SART3: variants seen among roughly 807,000 people sequenced by gnomAD.
SART3 encodes spliceosome associated factor 3, U4/U6 recycling protein.
SART3 carries 44 observed loss-of-function variants against 122.3 expected under a neutral mutation model. That is an observed-to-expected ratio of 0.36 (90% CI 0.28 to 0.46). SART3 has a LOEUF of 0.46. Among genes scored for constraint, SART3 ranks in the 20% least tolerant of loss-of-function variants. SART3 has a pLI of 1.00. For synonymous variants in SART3, 442 were observed against 454.0 expected (o/e 0.97, Z 0.34); for missense variants, 1,101 against 1,229.0 (o/e 0.90, Z 1.56).
chr12:108,523,680 G>A (rs759553592), intron 18 of SART3, 46 bp from the exon 19 acceptor site: 35 of 1,539,838 alleles, frequency 2.3e-5, no homozygotes, highest in Non-Finnish European at 2.5e-5. Flanking sequence ...AACAATTCGT[G>A]GCCCCTCATT....
At chr12:108,523,747 A>AG in intron 18 of SART3, 113 bp from the exon 19 acceptor site, 1 of 964,740 alleles carries the variant, frequency 1.0e-6, no homozygotes, top group Non-Finnish European at 1.6e-6. Context: ...AAAGGTGAAA[A>AG]AAAAAAAGGA....
At chr12:108,524,268 G>T (rs995239726) in intron 18 of SART3, 48 bp downstream of exon 18, 2 of 1,499,306 alleles carry the variant, frequency 1.3e-6, no homozygotes, top group Non-Finnish European at 9.3e-7. Context: ...CCATGAACTG[G>T]TGCCAGCCAG....
At chr12:108,538,757 C>A (rs558669432) in intron 7 of SART3, among the ~76,000 whole-genome samples, 177 bp downstream of exon 7, 1 of 152,268 alleles carries the variant, frequency 6.6e-6, no homozygotes, top group East Asian at 1.9e-4. Flanking sequence ...CAGTTAGTGA[C>A]CATTTTTAAA....
chr12:108,561,129 G>C lies in SART3; in HGVS notation c.26C>G (p.Ala9Gly). MATAAETS[A>G]SEPEAESKAG... is the part of the protein sequence containing the mutation. ...CTTGGACTCAGCCTCGGGTTCTGAA[G>C]CCGAGGTTTCGGCCGCAGTCGCCAT... Residue 9 changes from alanine to glycine, a missense_variant, in exon 1 of 19, where the codon GCT becomes GGT. Physicochemically the swap from Ala to Gly is moderately conservative, Grantham distance 60. Around this residue, in one of 2 missense-constraint regions of SART3, gnomAD observed 216 missense variants for 148.9 expected, o/e 1.45. Coordinates refer to ENST00000546815, the MANE Select transcript of SART3 (RefSeq NM_014706.4). The C allele has an allele frequency of 6.2e-7, 1 of 1,613,448 alleles. No individual in the cohort carries two copies.
chr12:108,529,905 A>G (rs1872578940), intron 15 of SART3, among the ~76,000 whole-genome samples: 1 of 152,134 alleles, frequency 6.6e-6, no homozygotes, highest in Admixed American at 6.5e-5. Context: ...TTTCACTACA[A>G]AGGACATTAT....
chr12:108,549,235 T>G (rs370996492), intron 1 of SART3, 21 bp from the exon 2 acceptor site: 1 of 1,613,890 alleles, frequency 6.2e-7, no homozygotes, highest in Non-Finnish European at 8.5e-7. Context: ...AAGAAACAAG[T>G]TGAAATTTAA....
intron 6 of SART3, among the ~76,000 whole-genome samples, chr12:108,541,307 T>C (rs1361433752): frequency 6.6e-6 from 1 of 151,816 alleles, no homozygotes; most frequent in Non-Finnish European, 1.5e-5. Context: ...ATTGGGAGGC[T>C]GAGGCAGGAG....
chr12:108,559,039 G>GAAAAA lies in SART3; in HGVS notation c.312+1799_312+1803dup, dbSNP rs747479698. Among the ~76,000 whole-genome samples the GAAAAA allele has an allele frequency of 5.4e-4, 56 of 103,942 alleles. 2 individuals are homozygous for GAAAAA. The highest frequency in any genetic ancestry group is 1.1e-3 in the African/African-American group (30 of 26,506). 68.2% of individuals were successfully genotyped at this position (103,942 alleles called of 152,430 possible). A position where few individuals can be genotyped will look rare whatever the true frequency, so the allele number is the denominator to read the frequency against. ...CAGAGCAAGACTCCGTCTCAAAAAA[G>GAAAAA]AAAAAAAAAAAAAAAAAAAAAAGTA... On this transcript the variant is annotated intron_variant, in intron 1 of 18. Coordinates refer to ENST00000546815, the MANE Select transcript of SART3 (RefSeq NM_014706.4).
Position 108,523,552 on chromosome 12 carries a change from C to T in SART3, c.2797G>A (p.Gly933Ser), listed in dbSNP as rs1164189670. The change falls in exon 19 of 19, where the codon GGC becomes AGC. Residue 933 changes from glycine to serine, a missense_variant. By Grantham distance (56) the Gly-to-Ser change is moderately conservative. Around this residue, in one of 2 missense-constraint regions of SART3, gnomAD observed 885 missense variants for 1,080.1 expected, o/e 0.82. Coordinates refer to ENST00000546815, the MANE Select transcript of SART3 (RefSeq NM_014706.4). The stretch of plus-strand genomic sequence containing the variant: ...GCAACTGCAGGAGCCGCGGCAGGGC[C>T]GTTCTCAGCCTGAGGAGCTGCAGCA... ...PSAAAPQAEN[G>S]PAAAPAVAAP... is the part of the protein sequence containing the mutation. 1.2e-6 allele frequency: 2 copies of T among 1,614,050 alleles called. No homozygotes were observed. Among genetic ancestry groups the T allele is most frequent in the Non-Finnish European group, 8.5e-7 (1 of 1,180,016 alleles).
chr12:108,548,394 T>G (rs1482114960), intron 2 of SART3, among the ~76,000 whole-genome samples: 1 of 152,248 alleles, frequency 6.6e-6, no homozygotes, highest in African/African-American at 2.4e-5. Flanking sequence ...AAACTACTGT[T>G]GCCATCATTT....
Position 108,544,630 on chromosome 12 carries a change from G to C in SART3, c.730-152C>G. On this transcript the variant is annotated intron_variant, in intron 4 of 18. Transcript: ENST00000546815. ...CACCCTGGCTGGAGTGTGGTGGTGT[G>C]ATCACAACTCACTACAGCCTCACAC... 2.9e-6 allele frequency: 3 copies of C among 1,024,692 alleles called. No homozygotes were observed. In the Admixed American group the frequency reaches 5.8e-5, roughly 20 times the overall value. 63.5% of individuals were successfully genotyped at this position (1,024,692 alleles called of 1,614,324 possible).
chr12:108,524,406 A>T lies in SART3; in HGVS notation c.2624T>A (p.Ile875Asn). ...AACTTTCCTCTGAGGAGGGTTGCTG[A>T]TTGCCACTTTGATGATGTTCTCTTT... ...TIKENIIKVA[I>N]SNPPQRKVPE... is the part of the protein sequence containing the mutation. The change falls in exon 18 of 19, where the codon ATC (isoleucine) becomes AAC (asparagine). Residue 875 changes from isoleucine to asparagine, a missense_variant. Around this residue, in one of 2 missense-constraint regions of SART3, gnomAD observed 885 missense variants for 1,080.1 expected, o/e 0.82. Transcript: ENST00000546815. 1 of 1,614,092 alleles carries T rather than the reference A, an allele frequency of 6.2e-7. No homozygotes were observed. Among genetic ancestry groups the T allele is most frequent in the Non-Finnish European group, 8.5e-7 (1 of 1,179,972 alleles).
chr12:108,525,776 C>A, intron 16 of SART3, 167 bp from the exon 17 acceptor site: 1 of 696,740 alleles, frequency 1.4e-6, no homozygotes, highest in South Asian at 1.6e-5. Context: ...GTCACTTAAC[C>A]TCTCCAGGCC....
At chr12:108,559,835 G>A (rs2030411931) in intron 1 of SART3, among the ~76,000 whole-genome samples, 1 of 152,116 alleles carries the variant, frequency 6.6e-6, no homozygotes, top group Admixed American at 6.5e-5. Flanking sequence ...GGAGGCACCA[G>A]CAGAAGTTTG....
Position 108,538,223 on chromosome 12 carries a change from A to C in SART3, c.1063-20T>G. On this transcript the variant is annotated intron_variant, in intron 7 of 18. Coordinates refer to ENST00000546815, the MANE Select transcript of SART3 (RefSeq NM_014706.4). ...TCGATCCTATGATAAAGAATTCCAGAGTTAGGAAATTACACTTTATTAAGC... is the reference window on the plus strand; with the variant it reads ...TCGATCCTATGATAAAGAATTCCAGCGTTAGGAAATTACACTTTATTAAGC... 1 of 1,613,988 alleles carries C rather than the reference A, an allele frequency of 6.2e-7. No homozygotes were observed. Among genetic ancestry groups the C allele is most frequent in the African/African-American group, 1.3e-5 (1 of 75,052 alleles).
At chr12:108,557,831 T>C (rs1381468991) in intron 1 of SART3, among the ~76,000 whole-genome samples, 1 of 152,188 alleles carries the variant, frequency 6.6e-6, no homozygotes, top group Non-Finnish European at 1.5e-5. Context: ...ATATTTGCTT[T>C]TGTTAGACAG....
At chr12:108,531,155 A>G in intron 14 of SART3, 49 bp downstream of exon 14, 1 of 1,471,758 alleles carries the variant, frequency 6.8e-7, no homozygotes. Flanking sequence ...TACCAAACTG[A>G]GCCAAAATAG....
At chr12:108,542,554 G>A (rs1217838721) in intron 6 of SART3, among the ~76,000 whole-genome samples, 1 of 152,152 alleles carries the variant, frequency 6.6e-6, no homozygotes, top group Non-Finnish European at 1.5e-5. Context: ...CAACTTTACA[G>A]CAGTGAAAAC....
Position 108,560,901 on chromosome 12 carries a change from C to G in SART3, c.254G>C (p.Trp85Ser). 1 of 1,612,932 alleles carries G rather than the reference C, an allele frequency of 6.2e-7. No individual in the cohort carries two copies. The change falls in exon 1 of 19, where the codon TGG (tryptophan) becomes TCG (serine). Residue 85 changes from tryptophan to serine, a missense_variant. Trp to Ser is a radical substitution (Grantham distance 177). Around this residue, in one of 2 missense-constraint regions of SART3, gnomAD observed 216 missense variants for 148.9 expected, o/e 1.45. Coordinates refer to ENST00000546815, the MANE Select transcript of SART3 (RefSeq NM_014706.4). Reference protein sequence around the residue: ...SAESSPGEYEWEYDEEEEKNQ... With the variant: ...SAESSPGEYESEYDEEEEKNQ... ...TTTCTCCTCCTCTTCGTCATATTCC[C>G]ACTCGTACTCCCCGGGGGAGCTCTC...
Sources: allele counts gnomAD v4.1 joint callset (sites outside exome capture counted in the v4.1 genomes callset), GRCh38; gene constraint gnomAD v4.1.1; regional missense constraint gnomAD v4.1.1; transcripts MANE v1.5; gene names NCBI Gene and HGNC (gene_info 2026-07-23, HGNC 2026-07-21).